Variants in RBFOX1 observed in about 807,000 individuals in gnomAD.
The protein encoded by RBFOX1 is RNA binding fox-1 homolog 1.
RBFOX1 carries 8 observed loss-of-function variants against 57.7 expected under a neutral mutation model. That is an observed-to-expected ratio of 0.14 (90% CI 0.08 to 0.25). The LOEUF (loss-of-function observed/expected upper bound fraction) is 0.25, where lower values mean the gene tolerates loss of function less well. RBFOX1 is among the 10% of genes least tolerant of loss of function. RBFOX1 has a pLI of 1.00. For missense variants in RBFOX1, 611 were observed against 548.5 expected, an observed-to-expected ratio of 1.11 and a Z score of -1.14; for synonymous variants, 326 against 222.4, an observed-to-expected ratio of 1.47 and a Z score of -4.15.
intron 3 of RBFOX1, among the ~76,000 whole-genome samples, chr16:5,846,264 G>C (rs1158128925): frequency 6.6e-6 from 1 of 151,998 alleles, no homozygotes; most frequent in East Asian, 1.9e-4. Flanking sequence ...CCCAGTAGTA[G>C]CATCTTTGAT....
chr16:5,247,958 T>C (rs369381425), intron 1 of RBFOX1, among the ~76,000 whole-genome samples: 1 of 152,298 alleles, frequency 6.6e-6, no homozygotes, highest in South Asian at 2.1e-4. Context: ...ACCATGTGGC[T>C]GGGCACTGGG....
chr16:7,103,697 T>C (rs2063094031), intron 4 of RBFOX1, among the ~76,000 whole-genome samples: 1 of 152,112 alleles, frequency 6.6e-6, no homozygotes. Flanking sequence ...GAAACGTAAA[T>C]AATAACGAAT....
At chr16:7,267,191 G>C (rs572965808) in intron 4 of RBFOX1, among the ~76,000 whole-genome samples, 2 of 152,240 alleles carry the variant, frequency 1.3e-5, no homozygotes, top group Admixed American at 1.3e-4. Flanking sequence ...TTGAGGTCAG[G>C]TGTTTGAGAC....
chr16:6,325,189 C>A (rs997653747), intron 2 of RBFOX1, among the ~76,000 whole-genome samples: 2 of 151,882 alleles, frequency 1.3e-5, no homozygotes, highest in African/African-American at 4.8e-5. Flanking sequence ...TAACCCATCT[C>A]TACATAAAAT....
At chr16:7,212,417 C>A (rs1260673027) in intron 4 of RBFOX1, among the ~76,000 whole-genome samples, 2 of 152,118 alleles carry the variant, frequency 1.3e-5, no homozygotes, top group Non-Finnish European at 1.5e-5. Context: ...ACCCCTCTTT[C>A]CCACTATTTT....
chr16:6,668,687 A>C (rs1156602197), intron 3 of RBFOX1, among the ~76,000 whole-genome samples: 1 of 152,018 alleles, frequency 6.6e-6, no homozygotes, highest in Non-Finnish European at 1.5e-5. Context: ...TAAAAGTGTG[A>C]TTTGTCTATG....
intron 2 of RBFOX1, among the ~76,000 whole-genome samples, chr16:6,420,655 T>C (rs2093746656): frequency 6.6e-6 from 1 of 152,184 alleles, no homozygotes; most frequent in Non-Finnish European, 1.5e-5. Flanking sequence ...TTTTAGTGTA[T>C]TGGTGTTTGC....
chr16:6,732,461 G>A (rs947207821), intron 3 of RBFOX1, among the ~76,000 whole-genome samples: 3 of 152,176 alleles, frequency 2.0e-5, no homozygotes, highest in Non-Finnish European at 4.4e-5. Flanking sequence ...AGGATGGTGA[G>A]GTCACCTGAT....
At chr16:6,158,452 A>T (rs2096854194) in intron 1 of RBFOX1, among the ~76,000 whole-genome samples, 1 of 152,170 alleles carries the variant, frequency 6.6e-6, no homozygotes, top group Non-Finnish European at 1.5e-5. Context: ...TTTCCCTCGT[A>T]AAGAATCTCA....
chr16:7,318,894 G>T (rs781165005), intron 4 of RBFOX1, among the ~76,000 whole-genome samples: 2 of 152,058 alleles, frequency 1.3e-5, no homozygotes, highest in African/African-American at 4.8e-5. Flanking sequence ...AACAACGAAG[G>T]CTGCTTAGCG....
intron 1 of RBFOX1, among the ~76,000 whole-genome samples, chr16:5,438,815 A>G (rs375536174): frequency 1.3e-5 from 2 of 152,200 alleles, no homozygotes; most frequent in African/African-American, 2.4e-5. Context: ...GTGCTCAGCC[A>G]TCTTGCACTC....
intron 3 of RBFOX1, among the ~76,000 whole-genome samples, chr16:6,659,006 C>T (rs1015918376): frequency 2.7e-5 from 4 of 150,528 alleles, no homozygotes; most frequent in African/African-American, 4.9e-5. Context: ...GCAAAGGTGA[C>T]GGGAGGTAAC....
chr16:5,253,133 T>G (rs536531711), intron 1 of RBFOX1, among the ~76,000 whole-genome samples: 5 of 152,234 alleles, frequency 3.3e-5, no homozygotes, highest in African/African-American at 1.2e-4. Context: ...GCAAATGCTG[T>G]GTCATTCTTT....
intron 4 of RBFOX1, among the ~76,000 whole-genome samples, chr16:7,110,049 C>G (rs1164553488): frequency 6.6e-6 from 1 of 151,926 alleles, no homozygotes; most frequent in Non-Finnish European, 1.5e-5. Flanking sequence ...TAGAAACCTG[C>G]TAATACTAAT....
rs1299997922 is a variant in RBFOX1, at chr16:5,856,183, C to CTA, written c.319-11119_319-11118insAT. Among the ~76,000 whole-genome samples the CTA allele has an allele frequency of 8.4e-3, 387 of 45,834 alleles. 6 individuals carry two copies. Among genetic ancestry groups the CTA allele is most frequent in the Non-Finnish European group, 9.2e-3 (242 of 26,228 alleles). 30.1% of individuals were successfully genotyped at this position (45,834 alleles called of 152,430 possible). A position where few individuals can be genotyped will look rare whatever the true frequency, so the allele number is the denominator to read the frequency against. The stretch of plus-strand genomic sequence containing the variant: ...TCTCTCTCTCTCTCTCTCTCTCTCT[C>CTA]TCTCTATATATATATATATATATAC... On this transcript the variant is annotated intron_variant, in intron 3 of 19. Coordinates refer to the RBFOX1 transcript ENST00000641259.
At chr16:5,813,052 G>A (rs902220123) in intron 3 of RBFOX1, among the ~76,000 whole-genome samples, 28 of 145,314 alleles carry the variant, frequency 1.9e-4, no homozygotes, top group Admixed American at 1.1e-3. Context: ...CTGTCACCCC[G>A]GCTGCAGTGC....
At chr16:5,372,447 A>T (rs1394970313) in intron 1 of RBFOX1, among the ~76,000 whole-genome samples, 16 of 147,622 alleles carry the variant, frequency 1.1e-4, no homozygotes, top group Admixed American at 1.0e-3. Flanking sequence ...TTATTTGGTC[A>T]TGAAAAATAA....
intron 11 of RBFOX1, among the ~76,000 whole-genome samples, chr16:7,639,818 G>C (rs549622522): frequency 2.0e-5 from 3 of 152,202 alleles, no homozygotes; most frequent in Non-Finnish European, 4.4e-5. Context: ...CATGGATTGA[G>C]GTGTTTTCAG....
At chr16:5,668,031 T>C (rs2049901791) in intron 3 of RBFOX1, among the ~76,000 whole-genome samples, 1 of 151,946 alleles carries the variant, frequency 6.6e-6, no homozygotes, top group South Asian at 2.1e-4. Flanking sequence ...AAAAAAAAAT[T>C]CCAACAACCA....
Sources: allele counts gnomAD v4.1 joint callset (sites outside exome capture counted in the v4.1 genomes callset), GRCh38; gene constraint gnomAD v4.1.1; transcripts MANE v1.5; gene names NCBI Gene and HGNC (gene_info 2026-07-23, HGNC 2026-07-21).